Variants in HAVCR1 observed in about 807,000 individuals in gnomAD.
HAVCR1 encodes T cell immunoglobin domain and mucin domain protein 1.
Under a neutral mutation model 32.0 loss-of-function variants are expected in HAVCR1, and 34 were observed. The observed-to-expected ratio is 1.06, with a 90% CI of 0.81 to 1.42. The LOEUF (loss-of-function observed/expected upper bound fraction) is 1.42, where lower values mean the gene tolerates loss of function less well. Ranked by LOEUF, HAVCR1 falls within the 40% of genes most tolerant of loss-of-function variation. The probability of loss-of-function intolerance (pLI) is 0.00; values close to 1 mark genes in which losing one functional copy is unlikely to be tolerated. For synonymous variants in HAVCR1, 178 were observed against 170.3 expected (o/e 1.05, Z -0.35); for missense variants, 420 against 442.3 (o/e 0.95, Z 0.45).
chr5:157,036,770 C>G (rs1251740713), intron 7 of HAVCR1, among the ~76,000 whole-genome samples: 1 of 152,132 alleles, frequency 6.6e-6, no homozygotes, highest in Non-Finnish European at 1.5e-5. Flanking sequence ...CTCCTGGGCT[C>G]AAGCAATCCT....
At chr5:157,064,154 G>A in the HAVCR1 span, among the ~76,000 whole-genome samples, 1 of 152,164 alleles carries the variant, frequency 6.6e-6, no homozygotes, top group Non-Finnish European at 1.5e-5. Context: ...GACCTGTCAG[G>A]AGACTATGGA....
rs1310487124 is a variant in HAVCR1 at position 157,048,902 on chromosome 5, A to G, written c.781+136T>C. 5 of 634,102 alleles carry G rather than the reference A, an allele frequency of 7.9e-6. No individual in the cohort carries two copies. The African/African-American group carries it at 9.1e-5, about 12-fold the overall frequency. 39.3% of individuals were successfully genotyped at this position (634,102 alleles called of 1,614,324 possible). ...ACATTCAGAAAGGGTAGATATTTGT[A>G]CAAGTCAAATGACTGATCTGTGTGC... On this transcript the variant is annotated intron_variant, in intron 5 of 8. Transcript: ENST00000523175.
intron 2 of HAVCR1, among the ~76,000 whole-genome samples, chr5:157,056,017 T>G (rs955314581): frequency 4.6e-5 from 7 of 151,760 alleles, no homozygotes; most frequent in African/African-American, 1.7e-4. Flanking sequence ...CGCAAAGATC[T>G]TGGCTCACTG....
chr5:157,044,428 AAAGAAAGAAAGAAAG>A (rs1254025144), intron 5 of HAVCR1, among the ~76,000 whole-genome samples: 1 of 26,758 alleles, frequency 3.7e-5, no homozygotes, highest in African/African-American at 1.7e-4. Flanking sequence ...AAGGAGAAAG[AAAGAAAGAAAGAAAG>A]AAAGAAAGAA....
At chr5:157,040,307 A>G (rs536539765) in intron 6 of HAVCR1, among the ~76,000 whole-genome samples, 3,438 of 152,176 alleles carry the variant, frequency 0.023, 140 homozygotes, top group African/African-American at 0.078. Flanking sequence ...TCAAAAAAAA[A>G]AAAAGAAAAG....
chr5:157,042,669 G>A lies in HAVCR1; in HGVS notation c.795C>T (p.Thr265=), dbSNP rs771728090. The A allele has an allele frequency of 1.5e-5, 24 of 1,586,408 alleles. No individual in the cohort carries two copies. The Middle Eastern group carries it at 6.7e-4, about 44-fold the overall frequency. The change falls in exon 6 of 9, where the codon ACC becomes ACT. Residue 265 remains threonine (T), a synonymous_variant. Coordinates refer to ENST00000523175, the MANE Select transcript of HAVCR1 (RefSeq NM_001173393.3). The stretch of plus-strand genomic sequence containing the variant: ...AAAGGCCATCTGAAGACTCTGTCAC[G>A]GTGTCATTCCCATCTACTCAACAAG... ...LYSYTTDGND[T]VTESSDGLWN...
chr5:157,058,064 A>C (rs1756331421), intron 1 of HAVCR1, 109 bp from the exon 2 acceptor site: 1 of 767,346 alleles, frequency 1.3e-6, no homozygotes, highest in Admixed American at 2.0e-5. Context: ...TGGTTGATTC[A>C]TATGAGCCTG....
At chr5:157,062,215 T>C (rs1430217220), upstream of HAVCR1, among the ~76,000 whole-genome samples, 2 of 152,026 alleles carry the variant, frequency 1.3e-5, no homozygotes, top group African/African-American at 4.8e-5. Flanking sequence ...ATTGAAATGA[T>C]TCAGAACATG....
chr5:157,043,713 A>G (rs1755058692), intron 5 of HAVCR1, among the ~76,000 whole-genome samples: 1 of 152,180 alleles, frequency 6.6e-6, no homozygotes, highest in Non-Finnish European at 1.5e-5. Flanking sequence ...ACTATAGGTC[A>G]AATACAGAAC....
chr5:157,042,578 G>A (rs1191210519), intron 6 of HAVCR1, 49 bp downstream of exon 6: 2 of 1,108,262 alleles, frequency 1.8e-6, no homozygotes, highest in South Asian at 1.3e-5. Flanking sequence ...TGCTTCCAAG[G>A]AGATATACAA....
In HAVCR1 at chr5:157,051,056, G is replaced by A. The variant is rs535564100; in HGVS notation, c.673+1305C>T. ...CACTAAAAGTTATCTTTTAAATCCC[G>A]AAAATGGAAGATTTGAACCTATACT... On this transcript the variant is annotated intron_variant, in intron 4 of 8. Transcript: ENST00000523175. Among the ~76,000 whole-genome samples the A allele has an allele frequency of 5.9e-5, 9 of 152,198 alleles. No homozygotes were observed. In the South Asian group the frequency reaches 6.2e-4, roughly 11 times the overall value.
intron 5 of HAVCR1, among the ~76,000 whole-genome samples, chr5:157,044,259 G>A (rs188961513): frequency 2.6e-5 from 4 of 151,548 alleles, no homozygotes; most frequent in Admixed American, 6.6e-5. Flanking sequence ...TTGAACTCAG[G>A]GGGTGGAGAT....
chr5:157,047,552 C>CA lies in HAVCR1; in HGVS notation c.781+1485dup, dbSNP rs58433209. Among the ~76,000 whole-genome samples the CA allele has an allele frequency of 2.5e-3, 351 of 142,810 alleles. 2 individuals are homozygous for CA. Among genetic ancestry groups the CA allele is most frequent in the African/African-American group, 7.0e-3 (269 of 38,546 alleles). 93.7% of individuals were successfully genotyped at this position (142,810 alleles called of 152,430 possible). On this transcript the variant is annotated intron_variant, in intron 5 of 8. Coordinates refer to ENST00000523175, the MANE Select transcript of HAVCR1 (RefSeq NM_001173393.3). ...GTGATGACAGAGCAAGACTCCGTCT[C>CA]AAAAAAAAAAAAAGTACAAGAAGAC...
At chr5:157,065,782 G>A in the HAVCR1 span, among the ~76,000 whole-genome samples, 1 of 152,060 alleles carries the variant, frequency 6.6e-6, no homozygotes, top group South Asian at 2.1e-4. Context: ...TTGAACCTGG[G>A]AGGCAGAGGT....
chr5:157,038,030 A>AG (rs1754645448), intron 6 of HAVCR1, among the ~76,000 whole-genome samples: 1 of 142,684 alleles, frequency 7.0e-6, no homozygotes, highest in African/African-American at 2.5e-5. Context: ...AAAGAAAAAA[A>AG]AATTGTTTAT....
At chr5:157,061,263 T>C (rs1756483979), upstream of HAVCR1, among the ~76,000 whole-genome samples, 1 of 152,110 alleles carries the variant, frequency 6.6e-6, no homozygotes, top group Non-Finnish European at 1.5e-5. Flanking sequence ...GAGACAGTCT[T>C]CGGGGAGTTG....
upstream of HAVCR1, among the ~76,000 whole-genome samples, chr5:157,061,671 C>T (rs866557961): frequency 7.9e-5 from 12 of 151,312 alleles, no homozygotes; most frequent in Middle Eastern, 0.014. Context: ...CATGCCACTG[C>T]ACTCTGGCCT....
upstream of HAVCR1, among the ~76,000 whole-genome samples, chr5:157,059,771 G>A (rs1179204019): frequency 6.6e-6 from 1 of 152,210 alleles, no homozygotes; most frequent in Non-Finnish European, 1.5e-5. Flanking sequence ...ATCACCTGAG[G>A]TAAGGAGTTT....
chr5:157,042,739 C>A, intron 5 of HAVCR1, 57 bp from the exon 6 acceptor site: 9 of 1,018,460 alleles, frequency 8.8e-6, no homozygotes, highest in Non-Finnish European at 1.2e-5. Flanking sequence ...ATTTTCACTG[C>A]AGACACTAAA....
Sources: gnomAD v4.1 joint callset for allele counts (sites outside exome capture counted in the v4.1 genomes callset) on GRCh38, gnomAD v4.1.1 for gene constraint, MANE v1.5 for transcripts, NCBI Gene and HGNC (gene_info 2026-07-23, HGNC 2026-07-21) for gene names.